Variants in REDIC1 observed in about 807,000 individuals in gnomAD.
REDIC1 encodes the protein HEI10 Interacting Protein 1.
chr12:39,892,478 G>C, the REDIC1 span, among the ~76,000 whole-genome samples: 1 of 152,188 alleles, frequency 6.6e-6, no homozygotes, highest in Admixed American at 6.5e-5. Context: ...GACTTGATCT[G>C]TGCAACTACT....
chr12:39,751,966 G>A, the REDIC1 span, among the ~76,000 whole-genome samples: 1 of 152,180 alleles, frequency 6.6e-6, no homozygotes, highest in Non-Finnish European at 1.5e-5. Context: ...ATGAGTTAAT[G>A]GGTGCAGCAC....
chr12:39,875,377 C>G, the REDIC1 span, among the ~76,000 whole-genome samples: 1 of 152,210 alleles, frequency 6.6e-6, no homozygotes, highest in East Asian at 1.9e-4. Context: ...CTTTGCCTCC[C>G]TTGTGACTAT....
At chr12:39,702,578 A>C in the REDIC1 span, among the ~76,000 whole-genome samples, 1 of 152,150 alleles carries the variant, frequency 6.6e-6, no homozygotes, top group Non-Finnish European at 1.5e-5. Flanking sequence ...TCCCTAACTC[A>C]TTTTATGAGG....
the REDIC1 span, among the ~76,000 whole-genome samples, chr12:39,901,669 A>G: frequency 1.6e-5 from 2 of 126,974 alleles, no homozygotes; most frequent in Admixed American, 8.5e-5. Context: ...TTAGAATGGC[A>G]ATCATTAAAA....
the REDIC1 span, among the ~76,000 whole-genome samples, chr12:39,660,488 A>G: frequency 6.6e-6 from 1 of 152,092 alleles, no homozygotes; most frequent in East Asian, 1.9e-4. Context: ...ACTGTTGTCC[A>G]TATATTTTGT....
chr12:39,847,661 T>C, the REDIC1 span, among the ~76,000 whole-genome samples: 2 of 152,028 alleles, frequency 1.3e-5, no homozygotes, highest in African/African-American at 4.8e-5. Context: ...TGTAGCACAT[T>C]GGTCCCCAAC....
chr12:39,842,162 A>T, the REDIC1 span, among the ~76,000 whole-genome samples: 1 of 152,198 alleles, frequency 6.6e-6, no homozygotes, highest in African/African-American at 2.4e-5. Context: ...CAGGAAGTTT[A>T]TTTAAAGGAA....
the REDIC1 span, chr12:39,864,670 T>C: frequency 6.6e-7 from 1 of 1,513,884 alleles, no homozygotes; most frequent in Non-Finnish European, 8.9e-7. Flanking sequence ...CCCAGCAAGC[T>C]CCTACTCATC....
the REDIC1 span, among the ~76,000 whole-genome samples, chr12:39,797,981 G>A: frequency 6.6e-6 from 1 of 152,264 alleles, no homozygotes; most frequent in South Asian, 2.1e-4. Context: ...GGGTTGACTT[G>A]TGTAACCAAT....
chr12:39,704,877 A>T, the REDIC1 span, among the ~76,000 whole-genome samples: 2 of 152,034 alleles, frequency 1.3e-5, no homozygotes, highest in African/African-American at 4.8e-5. Flanking sequence ...AACAATGAGA[A>T]CACATGGACA....
the REDIC1 span, among the ~76,000 whole-genome samples, chr12:39,681,351 C>T: frequency 6.6e-6 from 1 of 152,074 alleles, no homozygotes; most frequent in South Asian, 2.1e-4. Flanking sequence ...GGATAAAAGA[C>T]TATACATTGG....
chr12:39,747,189 A>C, the REDIC1 span, among the ~76,000 whole-genome samples: 1 of 152,222 alleles, frequency 6.6e-6, no homozygotes, highest in Non-Finnish European at 1.5e-5. Context: ...AAAAGATTAG[A>C]TGAATAGCTA....
chr12:39,898,667 G>A, the REDIC1 span, among the ~76,000 whole-genome samples: 2 of 152,088 alleles, frequency 1.3e-5, no homozygotes, highest in Non-Finnish European at 2.9e-5. Flanking sequence ...ACAAGGCATT[G>A]AGACCTTATG....
the REDIC1 span, among the ~76,000 whole-genome samples, chr12:39,768,267 T>C: frequency 6.6e-6 from 1 of 152,152 alleles, no homozygotes; most frequent in Non-Finnish European, 1.5e-5. Flanking sequence ...GGGAATGTTG[T>C]GGCTGGTTTG....
chr12:39,696,326 G>A, the REDIC1 span, among the ~76,000 whole-genome samples: 2,663 of 151,012 alleles, frequency 0.018, 73 homozygotes, highest in African/African-American at 0.06. Flanking sequence ...GGCGGATCAC[G>A]AGGTCAGGAG....
At chr12:39,773,286 AT>A in the REDIC1 span, among the ~76,000 whole-genome samples, 1 of 152,194 alleles carries the variant, frequency 6.6e-6, no homozygotes, top group Non-Finnish European at 1.5e-5. Flanking sequence ...CAGGTGAAAT[AT>A]GTCTCATTTT....
chr12:39,674,440 C>T, the REDIC1 span, among the ~76,000 whole-genome samples: 1 of 152,156 alleles, frequency 6.6e-6, no homozygotes, highest in Non-Finnish European at 1.5e-5. Context: ...CAGGTAGAGA[C>T]TCACATCATG....
chr12:39,882,795 TC>T, the REDIC1 span, among the ~76,000 whole-genome samples: 2 of 152,230 alleles, frequency 1.3e-5, no homozygotes, highest in African/African-American at 4.8e-5. Context: ...GAATTATTAC[TC>T]TTTCCTTCTA....
chr12:39,640,380 A>G, the REDIC1 span, among the ~76,000 whole-genome samples: 8 of 151,928 alleles, frequency 5.3e-5, no homozygotes, highest in African/African-American at 1.9e-4. Context: ...TGTGAGGAAT[A>G]AATTTCTCTT....
Sources: gnomAD v4.1 joint callset for allele counts (sites outside exome capture counted in the v4.1 genomes callset) on GRCh38, gnomAD v4.1.1 for gene constraint, MANE v1.5 for transcripts, NCBI Gene and HGNC (gene_info 2026-07-23, HGNC 2026-07-21) for gene names.